Variants in DPP10 observed in about 807,000 individuals in gnomAD.
DPP10 encodes dipeptidyl peptidase like 10, also known as inactive dipeptidyl peptidase 10.
Under a neutral mutation model 120.9 loss-of-function variants are expected in DPP10, and 33 were observed. That is an observed-to-expected ratio of 0.27 (90% CI 0.21 to 0.37). The LOEUF (loss-of-function observed/expected upper bound fraction) is 0.37. Ranked by LOEUF, DPP10 falls within the 10% of genes least tolerant of loss-of-function variation. DPP10 has a pLI of 1.00. For synonymous variants in DPP10, 337 were observed against 326.1 expected (o/e 1.03, Z -0.36); for missense variants, 816 against 942.8 (o/e 0.87, Z 1.76).
intron 1 of DPP10, among the ~76,000 whole-genome samples, chr2:114,988,595 C>T (rs927513663): frequency 6.6e-6 from 1 of 152,150 alleles, no homozygotes; most frequent in African/African-American, 2.4e-5. Context: ...AGGATATAGT[C>T]ATTTTTCTCT....
intron 1 of DPP10, among the ~76,000 whole-genome samples, chr2:114,474,114 G>C (rs576187386): frequency 1.3e-5 from 2 of 151,994 alleles, no homozygotes; most frequent in Non-Finnish European, 2.9e-5. Flanking sequence ...TGCACCACCA[G>C]GCCCGGCTAA....
At chr2:115,325,418 C>T (rs1329017085) in intron 2 of DPP10, among the ~76,000 whole-genome samples, 2 of 152,006 alleles carry the variant, frequency 1.3e-5, no homozygotes, top group Non-Finnish European at 2.9e-5. Context: ...AAAAGAAAGT[C>T]AACATCTTTT....
chr2:114,663,271 T>TATATATATACAC lies in DPP10; in HGVS notation c.60+220434_60+220435insTATATATACACA, dbSNP rs375462897. Among the ~76,000 whole-genome samples, 283 of 147,316 alleles carry TATATATATACAC rather than the reference T, an allele frequency of 1.9e-3. 1 individual carries two copies. Among genetic ancestry groups the TATATATATACAC allele is most frequent in the African/African-American group, 3.9e-3 (158 of 40,808 alleles). On this transcript the variant is annotated intron_variant, in intron 1 of 25. Coordinates refer to ENST00000410059, the MANE Select transcript of DPP10 (RefSeq NM_020868.6). ...ATATATATATATATCTATATATATATACACACACATATATGTATACATATA... is the reference window on the plus strand; with the variant it reads ...ATATATATATATATCTATATATATATATATATATACACACACACACATATATGTATACATATA...
At chr2:114,826,617 G>T (rs531036939) in intron 1 of DPP10, among the ~76,000 whole-genome samples, 8 of 152,132 alleles carry the variant, frequency 5.3e-5, no homozygotes, top group Non-Finnish European at 8.8e-5. Context: ...TGCAACCTCC[G>T]CCTCCCAGGT....
At chr2:115,678,307 G>T (rs1394622506) in intron 5 of DPP10, among the ~76,000 whole-genome samples, 2 of 152,200 alleles carry the variant, frequency 1.3e-5, no homozygotes, top group East Asian at 3.9e-4. Context: ...CATGGGCCAG[G>T]CCCGGGGCCC....
intron 1 of DPP10, among the ~76,000 whole-genome samples, chr2:114,774,246 C>G (rs1342386555): frequency 6.6e-6 from 1 of 152,006 alleles, no homozygotes; most frequent in Non-Finnish European, 1.5e-5. Flanking sequence ...GAAATTGACA[C>G]TCTAATGTGA....
intron 1 of DPP10, among the ~76,000 whole-genome samples, chr2:114,609,927 T>C (rs373337865): frequency 1.3e-5 from 2 of 152,158 alleles, no homozygotes; most frequent in Non-Finnish European, 2.9e-5. Flanking sequence ...TCCCACATCC[T>C]TTGATGCCCT....
intron 3 of DPP10, among the ~76,000 whole-genome samples, chr2:115,492,523 A>G (rs2076177975): frequency 6.6e-6 from 1 of 152,120 alleles, no homozygotes; most frequent in South Asian, 2.1e-4. Flanking sequence ...TCTGAGAAAG[A>G]TATATTTATG....
At chr2:114,882,686 A>T (rs893974394) in intron 1 of DPP10, among the ~76,000 whole-genome samples, 4 of 152,188 alleles carry the variant, frequency 2.6e-5, no homozygotes, top group African/African-American at 9.6e-5. Context: ...ATTAAATAAA[A>T]AAATATGAAT....
intron 1 of DPP10, among the ~76,000 whole-genome samples, chr2:115,122,128 C>T (rs992734695): frequency 2.0e-5 from 3 of 152,158 alleles, no homozygotes; most frequent in Non-Finnish European, 4.4e-5. Flanking sequence ...CAGAGTGTTC[C>T]CCATTCATCC....
chr2:114,969,148 T>A (rs1054768619), intron 1 of DPP10, among the ~76,000 whole-genome samples: 15 of 152,314 alleles, frequency 9.8e-5, no homozygotes, highest in Middle Eastern at 3.4e-3. Flanking sequence ...ACCCCAAAAA[T>A]TTTGGTGTAG....
chr2:114,778,994 A>C (rs1191930011), intron 1 of DPP10, among the ~76,000 whole-genome samples: 2 of 152,110 alleles, frequency 1.3e-5, no homozygotes, highest in African/African-American at 2.4e-5. Context: ...TAGTTAATTC[A>C]ATGCCAGAAA....
At chr2:115,616,086 C>G (rs2084472572) in intron 5 of DPP10, among the ~76,000 whole-genome samples, 1 of 152,080 alleles carries the variant, frequency 6.6e-6, no homozygotes, top group Admixed American at 6.6e-5. Flanking sequence ...TGGAAGTTAA[C>G]TTTAGTGTCC....
At chr2:115,625,050 G>A (rs1476822771) in intron 5 of DPP10, among the ~76,000 whole-genome samples, 1 of 151,118 alleles carries the variant, frequency 6.6e-6, no homozygotes, top group Non-Finnish European at 1.5e-5. Context: ...TATAAATAAC[G>A]ATATGAATTA....
At chr2:114,784,535 T>G (rs1292800411) in intron 1 of DPP10, among the ~76,000 whole-genome samples, 1 of 152,112 alleles carries the variant, frequency 6.6e-6, no homozygotes, top group Non-Finnish European at 1.5e-5. Flanking sequence ...TAAAAAATAT[T>G]ATTCCAGAGA....
intron 1 of DPP10, among the ~76,000 whole-genome samples, chr2:114,675,283 G>T (rs926933425): frequency 6.6e-6 from 1 of 152,032 alleles, no homozygotes; most frequent in African/African-American, 2.4e-5. Context: ...CGACCCACTT[G>T]CACTTGTGTC....
intron 3 of DPP10, among the ~76,000 whole-genome samples, chr2:115,370,373 T>C (rs1189445145): frequency 2.6e-5 from 4 of 152,036 alleles, no homozygotes; most frequent in African/African-American, 9.7e-5. Flanking sequence ...AGTGAATCCA[T>C]GAAGAATTGA....
intron 1 of DPP10, among the ~76,000 whole-genome samples, chr2:114,827,060 A>G (rs1429252537): frequency 6.6e-6 from 1 of 151,394 alleles, no homozygotes; most frequent in Non-Finnish European, 1.5e-5. Context: ...TCTAGGTTTT[A>G]TGGCTTGTTT....
At chr2:115,331,729 T>G (rs2062754209) in intron 2 of DPP10, among the ~76,000 whole-genome samples, 1 of 152,226 alleles carries the variant, frequency 6.6e-6, no homozygotes, top group Non-Finnish European at 1.5e-5. Flanking sequence ...TTATGTTTGT[T>G]GATTTGCATA....
Sources: allele counts gnomAD v4.1 joint callset (sites outside exome capture counted in the v4.1 genomes callset), GRCh38; gene constraint gnomAD v4.1.1; transcripts MANE v1.5; gene names NCBI Gene and HGNC (gene_info 2026-07-23, HGNC 2026-07-21).